Variants in RGS8 observed in about 807,000 individuals in gnomAD.
The protein encoded by RGS8 is regulator of G protein signaling 8, also known as regulator of G-protein signaling 8.
In RGS8, 8 loss-of-function variants were observed where a neutral mutation model predicts 21.7. That is an observed-to-expected ratio of 0.37 (90% CI 0.22 to 0.66). The LOEUF (loss-of-function observed/expected upper bound fraction) is 0.66, where lower values mean the gene tolerates loss of function less well. Among genes scored for constraint, RGS8 ranks in the 30% least tolerant of loss-of-function variants. The pLI, the probability that RGS8 is intolerant of heterozygous loss-of-function variation, is 0.59. For synonymous variants in RGS8, 80 were observed against 83.6 expected (o/e 0.96, Z 0.24); for missense variants, 157 against 217.9 (o/e 0.72, Z 1.76).
intron 5 of RGS8, among the ~76,000 whole-genome samples, chr1:182,659,635 G>T (rs571533097): frequency 6.6e-4 from 100 of 152,242 alleles, no homozygotes; most frequent in African/African-American, 2.3e-3. Context: ...GGAGGCAAAG[G>T]TTGCAGTGAG....
the RGS8 span, among the ~76,000 whole-genome samples, chr1:182,724,289 A>G: frequency 1.4e-5 from 2 of 145,040 alleles, no homozygotes; most frequent in South Asian, 2.2e-4. Context: ...ACTAATACAG[A>G]TAACATTCAA....
chr1:182,743,905 ACT>A, the RGS8 span, among the ~76,000 whole-genome samples: 2 of 152,108 alleles, frequency 1.3e-5, no homozygotes, highest in African/African-American at 4.8e-5. Flanking sequence ...GTATGCACAT[ACT>A]CTCTAGTTCC....
the RGS8 span, among the ~76,000 whole-genome samples, chr1:182,704,683 T>A: frequency 6.6e-6 from 1 of 152,312 alleles, no homozygotes; most frequent in Admixed American, 6.5e-5. Flanking sequence ...TATGTATGTG[T>A]CACTTGCTGG....
the RGS8 span, among the ~76,000 whole-genome samples, chr1:182,750,731 C>T: frequency 1.3e-5 from 2 of 151,744 alleles, no homozygotes; most frequent in African/African-American, 4.9e-5. Context: ...CAAAGAAGAA[C>T]AATTTATAGC....
chr1:182,708,483 T>C, the RGS8 span, among the ~76,000 whole-genome samples: 6,263 of 152,274 alleles, frequency 0.041, 182 homozygotes, highest in East Asian at 0.13. Context: ...CCTGAGATGA[T>C]ATAATGGCTC....
the RGS8 span, among the ~76,000 whole-genome samples, chr1:182,741,412 A>T: frequency 4.4e-5 from 4 of 90,054 alleles, no homozygotes; most frequent in Non-Finnish European, 8.9e-5. Flanking sequence ...CGGGGGGCTG[A>T]CCCCCCCACC....
chr1:182,687,139 C>T (rs941516584), upstream of RGS8, among the ~76,000 whole-genome samples: 2 of 151,940 alleles, frequency 1.3e-5, no homozygotes, highest in Non-Finnish European at 2.9e-5. Flanking sequence ...GGATTTCTGG[C>T]CCCCACTCCC....
At chr1:182,735,457 T>A in the RGS8 span, among the ~76,000 whole-genome samples, 22 of 152,184 alleles carry the variant, frequency 1.4e-4, no homozygotes, top group African/African-American at 5.3e-4. Context: ...ATGCTTTGAA[T>A]AACGTAGGTC....
downstream of RGS8, chr1:182,644,217 G>C (rs1240062804): frequency 6.6e-6 from 1 of 152,198 alleles, no homozygotes; most frequent in Non-Finnish European, 1.5e-5. Flanking sequence ...CCTGAAAGTA[G>C]GCATCAGAGT....
At chr1:182,671,775 G>A (rs775202617) in intron 1 of RGS8, 45 bp from the exon 3 acceptor site, 98 of 1,611,856 alleles carry the variant, frequency 6.1e-5, no homozygotes, top group Non-Finnish European at 7.6e-5. Flanking sequence ...AATCCTCGGC[G>A]AGTGAAGGGC....
chr1:182,728,617 A>AC, the RGS8 span, among the ~76,000 whole-genome samples: 1 of 152,154 alleles, frequency 6.6e-6, no homozygotes, highest in Non-Finnish European at 1.5e-5. Context: ...AATTTGATGG[A>AC]CCCAAAAAAA....
chr1:182,748,057 G>T, the RGS8 span, among the ~76,000 whole-genome samples: 698 of 152,124 alleles, frequency 4.6e-3, 11 homozygotes, highest in African/African-American at 0.016. Flanking sequence ...ATTGTAGAAT[G>T]GTTAAATTTA....
At chr1:182,697,520 A>G in the RGS8 span, among the ~76,000 whole-genome samples, 1 of 152,228 alleles carries the variant, frequency 6.6e-6, no homozygotes, top group Non-Finnish European at 1.5e-5. Flanking sequence ...TTAAAAATAG[A>G]TATCTGAACC....
chr1:182,670,110 G>A (rs561768222), intron 2 of RGS8, among the ~76,000 whole-genome samples: 36 of 152,324 alleles, frequency 2.4e-4, no homozygotes, highest in African/African-American at 8.4e-4. Context: ...TTGGAGGAGG[G>A]GGTCGGCACT....
the RGS8 span, among the ~76,000 whole-genome samples, chr1:182,705,092 G>A: frequency 6.6e-6 from 1 of 152,130 alleles, no homozygotes; most frequent in Non-Finnish European, 1.5e-5. Context: ...CAGAGAAACC[G>A]AAGCAACACC....
chr1:182,750,358 A>G, the RGS8 span, among the ~76,000 whole-genome samples: 1 of 152,170 alleles, frequency 6.6e-6, no homozygotes, highest in Non-Finnish European at 1.5e-5. Context: ...TCTTTGTAAT[A>G]CTACCCATCT....
At chr1:182,738,425 T>C in the RGS8 span, among the ~76,000 whole-genome samples, 1 of 152,252 alleles carries the variant, frequency 6.6e-6, no homozygotes, top group African/African-American at 2.4e-5. Flanking sequence ...ATAATTTTCA[T>C]GTACCTCAAG....
chr1:182,705,545 C>CAAGACAG, the RGS8 span, among the ~76,000 whole-genome samples: 286 of 151,150 alleles, frequency 1.9e-3, 1 homozygote, highest in Middle Eastern at 3.4e-3. Context: ...TTTTTTATAG[C>CAAGACAG]TACTTTATCT....
chr1:182,710,304 A>C, the RGS8 span, among the ~76,000 whole-genome samples: 1 of 152,158 alleles, frequency 6.6e-6, no homozygotes, highest in Non-Finnish European at 1.5e-5. Context: ...GGCCTGTGGA[A>C]TTACTCAAAT....
Sources: gnomAD v4.1 joint callset for allele counts (sites outside exome capture counted in the v4.1 genomes callset) on GRCh38, gnomAD v4.1.1 for gene constraint, MANE v1.5 for transcripts, NCBI Gene and HGNC (gene_info 2026-07-23, HGNC 2026-07-21) for gene names.